UST: variants seen among roughly 807,000 people sequenced by gnomAD.
The protein encoded by UST is uronyl 2-sulfotransferase.
In UST, 21 loss-of-function variants were observed where a neutral mutation model predicts 45.6. That is an observed-to-expected ratio of 0.46 (90% CI 0.33 to 0.66). The LOEUF is 0.66. UST is among the 30% of genes least tolerant of loss of function. The pLI is 0.02. For missense variants in UST, 463 were observed against 512.4 expected (o/e 0.90, Z 0.93); for synonymous variants, 215 against 200.6 (o/e 1.07, Z -0.61).
At chr6:148,964,828 G>A (rs573492592) in intron 5 of UST, 45 of 485,154 alleles carry the variant, frequency 9.3e-5, no homozygotes, top group Admixed American at 2.0e-4. Flanking sequence ...GACCCAGAGC[G>A]TTAACAGTCT....
chr6:148,777,569 G>A lies in UST; in HGVS notation c.247+29892G>A, dbSNP rs140787877. 1.2e-3 allele frequency among the ~76,000 whole-genome samples: 189 copies of A among 152,196 alleles called. 1 individual carries two copies. Among genetic ancestry groups the A allele is most frequent in the African/African-American group, 4.4e-3 (183 of 41,524 alleles). Reference sequence around the variant, plus strand: ...GTTAATTTTTTTGTTTTTTGAGACGGAGTCTCGCTCTGTCACCCAGGCTGG... The same window carrying A: ...GTTAATTTTTTTGTTTTTTGAGACGAAGTCTCGCTCTGTCACCCAGGCTGG... On this transcript the variant is annotated intron_variant, in intron 1 of 7. Coordinates refer to ENST00000367463, the MANE Select transcript of UST (RefSeq NM_005715.3).
chr6:148,915,178 A>G (rs1213554637), intron 2 of UST, among the ~76,000 whole-genome samples: 1 of 152,224 alleles, frequency 6.6e-6, no homozygotes, highest in Admixed American at 6.5e-5. Flanking sequence ...TTGGGAAGAC[A>G]CAAACATTCA....
At position 149,076,887 on chromosome 6, in the gene UST, T is replaced by A. The variant is rs1346961221; in HGVS notation, c.*2771T>A. The A allele has an allele frequency of 6.6e-6, 1 of 152,486 alleles. No individual in the cohort carries two copies. The highest frequency in any genetic ancestry group is 2.4e-5 in the African/African-American group (1 of 41,418). 9.4% of individuals were successfully genotyped at this position (152,486 alleles called of 1,614,324 possible). On this transcript the variant is annotated 3_prime_UTR_variant, in exon 8 of 8. Transcript: ENST00000367463. Reference sequence around the variant, plus strand: ...AAGTGCTTGTAAATCTTTTTTTTTTTTTAAGAAGAAAGAAAAAAATGGTGT... The same window carrying A: ...AAGTGCTTGTAAATCTTTTTTTTTTATTAAGAAGAAAGAAAAAAATGGTGT...
intron 6 of UST, 78 bp from the exon 7 acceptor site, chr6:149,021,246 G>A: frequency 6.9e-7 from 1 of 1,458,980 alleles, no homozygotes; most frequent in Non-Finnish European, 9.3e-7. Context: ...GTGGGAGGTA[G>A]AGGGGGTAAA....
chr6:148,951,790 T>G (rs1282539078), intron 3 of UST, among the ~76,000 whole-genome samples: 5 of 152,196 alleles, frequency 3.3e-5, no homozygotes, highest in African/African-American at 1.2e-4. Flanking sequence ...AACACGAGCA[T>G]TAGTACCTTG....
In UST at chr6:149,074,299, G is replaced by C; in HGVS notation, c.*183G>C. 1.5e-6 allele frequency: 1 copy of C among 675,022 alleles called. No homozygotes were observed. The highest frequency in any genetic ancestry group is 2.1e-5 in the South Asian group (1 of 48,778). 41.8% of individuals were successfully genotyped at this position (675,022 alleles called of 1,614,324 possible). On this transcript the variant is annotated 3_prime_UTR_variant, in exon 8 of 8. Transcript: ENST00000367463. The stretch of plus-strand genomic sequence containing the variant: ...GGTTTTATTTGTTTAATTTTATTCT[G>C]TGTTTTCTCTTGGCTCTTTGGGTCT...
intron 1 of UST, among the ~76,000 whole-genome samples, chr6:148,804,304 C>A (rs1486485680): frequency 2.6e-5 from 4 of 152,128 alleles, no homozygotes; most frequent in East Asian, 3.9e-4. Context: ...TGTTTATAAA[C>A]CCTCCCAGCA....
chr6:148,844,799 A>G (rs981836854), intron 1 of UST, among the ~76,000 whole-genome samples: 2 of 152,086 alleles, frequency 1.3e-5, no homozygotes, highest in African/African-American at 4.8e-5. Context: ...CTGCCCCTGT[A>G]GTAGGTTGCA....
chr6:148,924,910 C>T (rs181688954), intron 2 of UST, among the ~76,000 whole-genome samples: 13 of 152,216 alleles, frequency 8.5e-5, no homozygotes, highest in Admixed American at 2.6e-4. Context: ...GAAAAGCAGG[C>T]GTGACTATGC....
At chr6:148,843,260 T>C (rs144133970) in intron 1 of UST, among the ~76,000 whole-genome samples, 1 of 152,388 alleles carries the variant, frequency 6.6e-6, no homozygotes, top group Admixed American at 6.5e-5. Flanking sequence ...ATGTCACTTA[T>C]GTTCTGCTAG....
At chr6:148,773,614 A>C (rs1776475586) in intron 1 of UST, among the ~76,000 whole-genome samples, 1 of 152,210 alleles carries the variant, frequency 6.6e-6, no homozygotes. Context: ...CTTTTAGTAC[A>C]CAGGGAAAGG....
chr6:149,061,766 AG>A (rs1776658746), intron 7 of UST, among the ~76,000 whole-genome samples: 1 of 152,238 alleles, frequency 6.6e-6, no homozygotes, highest in African/African-American at 2.4e-5. Context: ...TTCTTCCACC[AG>A]GAAGTGTTCA....
At chr6:148,947,367 G>A (rs1017515933) in intron 3 of UST, among the ~76,000 whole-genome samples, 3 of 152,146 alleles carry the variant, frequency 2.0e-5, no homozygotes, top group Admixed American at 6.5e-5. Flanking sequence ...GCTGGGGAGC[G>A]TTCTCACAAT....
At chr6:149,029,186 G>T (rs1379502423) in intron 7 of UST, among the ~76,000 whole-genome samples, 1 of 151,818 alleles carries the variant, frequency 6.6e-6, no homozygotes, top group African/African-American at 2.4e-5. Context: ...CCAATTGATT[G>T]CAGTAGTTCA....
chr6:149,072,247 A>G (rs954366383), intron 7 of UST, among the ~76,000 whole-genome samples: 2 of 152,228 alleles, frequency 1.3e-5, no homozygotes, highest in Non-Finnish European at 2.9e-5. Flanking sequence ...TAGAATGCAA[A>G]TGTTCATTAT....
At chr6:148,877,863 A>G (rs1304928674) in intron 1 of UST, among the ~76,000 whole-genome samples, 11 of 92,336 alleles carry the variant, frequency 1.2e-4, no homozygotes, top group African/African-American at 2.1e-4. Context: ...TGCGGGGATC[A>G]TGTACGAGTG....
chr6:148,801,590 G>A (rs1272155234), intron 1 of UST, among the ~76,000 whole-genome samples: 3 of 152,050 alleles, frequency 2.0e-5, no homozygotes, highest in Non-Finnish European at 4.4e-5. Context: ...GGAGGTACTT[G>A]CTTCTCATTC....
chr6:148,898,552 G>A (rs1194261286), intron 2 of UST, among the ~76,000 whole-genome samples: 1 of 152,086 alleles, frequency 6.6e-6, no homozygotes, highest in East Asian at 1.9e-4. Flanking sequence ...TTTCAGTGGA[G>A]ATCCATGTCC....
intron 7 of UST, 89 bp downstream of exon 7, chr6:149,021,570 G>T: frequency 6.8e-7 from 1 of 1,460,432 alleles, no homozygotes; most frequent in Non-Finnish European, 9.4e-7. Flanking sequence ...ATAAAGGAGT[G>T]AAATGATCTC....
Sources: allele counts gnomAD v4.1 joint callset (sites outside exome capture counted in the v4.1 genomes callset), GRCh38; gene constraint gnomAD v4.1.1; transcripts MANE v1.5; gene names NCBI Gene and HGNC (gene_info 2026-07-23, HGNC 2026-07-21).